DOCK3: variants seen among roughly 807,000 people sequenced by gnomAD.
DOCK3 encodes the protein dedicator of cytokinesis protein 3.
In DOCK3, 60 loss-of-function variants were observed where a neutral mutation model predicts 265.6. That is an observed-to-expected ratio of 0.23 (90% confidence interval 0.18 to 0.28). The LOEUF is 0.28. Ranked by LOEUF, DOCK3 falls within the 10% of genes least tolerant of loss-of-function variation. The pLI, the probability that DOCK3 is intolerant of heterozygous loss-of-function variation, is 1.00. For missense variants in DOCK3, 1,981 were observed against 2,594.3 expected, an observed-to-expected ratio of 0.76 and a Z score of 5.14; for synonymous variants, 881 against 938.0, an observed-to-expected ratio of 0.94 and a Z score of 1.11.
At chr3:51,177,522 TA>T (rs1348796327) in intron 12 of DOCK3, among the ~76,000 whole-genome samples, 3 of 152,164 alleles carry the variant, frequency 2.0e-5, no homozygotes, top group Non-Finnish European at 2.9e-5. Flanking sequence ...CTCATAGAAA[TA>T]AATGCAGGAT....
chr3:50,967,081 A>G (rs1386487822), intron 5 of DOCK3, among the ~76,000 whole-genome samples: 1 of 152,144 alleles, frequency 6.6e-6, no homozygotes, highest in African/African-American at 2.4e-5. Context: ...AATATATAAT[A>G]TATTGTTAAC....
At chr3:51,129,498 T>G (rs1244189384) in intron 9 of DOCK3, among the ~76,000 whole-genome samples, 1 of 152,196 alleles carries the variant, frequency 6.6e-6, no homozygotes, top group East Asian at 1.9e-4. Context: ...TGCTCAAGCC[T>G]GATCATGTAT....
rs2082023089 is a variant in DOCK3, at chr3:51,075,356, A to G, written c.465A>G (p.Glu155=). ...TGAGTGTGGTCTTTCTCTTTACTAG[A>G]CATTTGGGCCTGGACCTGGTGCCTC... The part of the protein sequence containing the change: ...HITVRLDWGN[E]HLGLDLVPRK... The change falls in exon 7 of 53, where the codon GAA becomes GAG. Residue 155 remains glutamate (E), a splice_region_variant and synonymous_variant. Coordinates refer to ENST00000266037, the MANE Select transcript of DOCK3 (RefSeq NM_004947.5). The G allele has an allele frequency of 2.5e-6, 4 of 1,608,804 alleles. No individual in the cohort carries two copies. The highest frequency in any genetic ancestry group is 4.5e-5 in the East Asian group (2 of 44,850).
At chr3:51,331,996 C>G (rs2084551081) in intron 33 of DOCK3, among the ~76,000 whole-genome samples, 1 of 152,184 alleles carries the variant, frequency 6.6e-6, no homozygotes, top group African/African-American at 2.4e-5. Flanking sequence ...CTTACCTTCT[C>G]TAACAACAGG....
intron 9 of DOCK3, among the ~76,000 whole-genome samples, chr3:51,140,887 TG>T (rs1388025615): frequency 1.3e-5 from 2 of 152,230 alleles, no homozygotes; most frequent in African/African-American, 4.8e-5. Context: ...ATTTGCCATT[TG>T]TGTATTTTCT....
intron 2 of DOCK3, among the ~76,000 whole-genome samples, chr3:50,805,712 T>C (rs931726507): frequency 6.6e-6 from 1 of 151,986 alleles, no homozygotes; most frequent in South Asian, 2.1e-4. Flanking sequence ...CTGATCTGGA[T>C]TTTGCCCACC....
chr3:50,774,687 G>A (rs2041484487), intron 1 of DOCK3, among the ~76,000 whole-genome samples: 1 of 151,602 alleles, frequency 6.6e-6, no homozygotes, highest in Admixed American at 6.6e-5. Flanking sequence ...ACCTTTAATT[G>A]CCTTATTTGC....
chr3:51,291,707 T>G (rs1379734747), intron 27 of DOCK3, among the ~76,000 whole-genome samples: 1 of 152,168 alleles, frequency 6.6e-6, no homozygotes, highest in Non-Finnish European at 1.5e-5. Context: ...CAAACTTTTC[T>G]TAAAAATTGA....
At chr3:51,235,715 T>TG (rs1325526089) in intron 19 of DOCK3, among the ~76,000 whole-genome samples, 1 of 152,234 alleles carries the variant, frequency 6.6e-6, no homozygotes, top group Non-Finnish European at 1.5e-5. Context: ...CATCAATATT[T>TG]ATTATTCTCT....
chr3:51,075,585 C>A, intron 7 of DOCK3, 145 bp downstream of exon 7: 1 of 633,902 alleles, frequency 1.6e-6, no homozygotes, highest in Non-Finnish European at 2.7e-6. Flanking sequence ...CTGGCCATAT[C>A]TGTCACACTA....
At chr3:50,827,784 G>A (rs2044855769) in intron 2 of DOCK3, among the ~76,000 whole-genome samples, 1 of 151,954 alleles carries the variant, frequency 6.6e-6, no homozygotes, top group African/African-American at 2.4e-5. Flanking sequence ...TATCATCTTG[G>A]TCCTTGTTTT....
chr3:50,823,172 T>TTTA lies in DOCK3; in HGVS notation c.122-18501_122-18500insATT, dbSNP rs1430922713. The stretch of plus-strand genomic sequence containing the variant: ...ATTTTATTTATTTATTTATTTATTT[T>TTTA]TTTTTATTGATCATTCTTGGGTGTT... On this transcript the variant is annotated intron_variant, in intron 2 of 52. Transcript: ENST00000266037. 1.3e-3 allele frequency among the ~76,000 whole-genome samples: 193 copies of TTTA among 148,518 alleles called. 1 individual carries two copies. The highest frequency in any genetic ancestry group is 3.0e-3 in the South Asian group (14 of 4,694).
At chr3:51,354,791 T>C (rs2086251134) in intron 40 of DOCK3, 91 bp from the exon 41 acceptor site, 13 of 1,534,494 alleles carry the variant, frequency 8.5e-6, no homozygotes, top group Non-Finnish European at 1.1e-5. Context: ...TCCTAAGATA[T>C]GTTTGTGCTA....
In DOCK3 at chr3:51,070,883, C is replaced by T. The variant is rs150959881; in HGVS notation, c.465-4473C>T. On this transcript the variant is annotated intron_variant, in intron 6 of 52. Transcript: ENST00000266037. ...TGTAATGCGAGAGATCTAGGTTGTG[C>T]ACTCCTTATGAGAATCTAATGCGTG... 1.5e-3 allele frequency among the ~76,000 whole-genome samples: 235 copies of T among 152,136 alleles called. 2 individuals are homozygous for T. Among genetic ancestry groups the T allele is most frequent in the African/African-American group, 5.4e-3 (222 of 41,488 alleles).
intron 3 of DOCK3, among the ~76,000 whole-genome samples, chr3:50,868,560 G>T (rs1182932929): frequency 6.6e-6 from 1 of 151,986 alleles, no homozygotes; most frequent in Non-Finnish European, 1.5e-5. Flanking sequence ...ATTTTGTAGA[G>T]TCAGAGTTTC....
Position 51,263,750 on chromosome 3 carries a change from A to G in DOCK3, c.2355+3424A>G, listed in dbSNP as rs527309933. ...TATTTACCAAGCAAATGGAAAACCA[A>G]AAAAAGCATGGGTTGCAATCCTAGT... On this transcript the variant is annotated intron_variant, in intron 23 of 52. Transcript: ENST00000266037. 3.3e-5 allele frequency among the ~76,000 whole-genome samples: 5 copies of G among 152,338 alleles called. No individual in the cohort carries two copies. The East Asian group carries it at 9.6e-4, about 29-fold the overall frequency.
chr3:51,302,037 T>C (rs1410028261), intron 27 of DOCK3, among the ~76,000 whole-genome samples: 1 of 152,152 alleles, frequency 6.6e-6, no homozygotes, highest in East Asian at 1.9e-4. Context: ...AGTGTTAAAG[T>C]CTCCCACTAT....
intron 5 of DOCK3, among the ~76,000 whole-genome samples, chr3:51,029,973 C>CG (rs1350340894): frequency 2.9e-5 from 4 of 135,668 alleles, no homozygotes; most frequent in Non-Finnish European, 6.4e-5. Flanking sequence ...GACACGGGGT[C>CG]GGGGGGTGGG....
intron 4 of DOCK3, among the ~76,000 whole-genome samples, chr3:50,914,571 G>T (rs1338190062): frequency 6.6e-6 from 1 of 152,102 alleles, no homozygotes; most frequent in East Asian, 1.9e-4. Flanking sequence ...TACGATTTCA[G>T]TTCTTTTAAG....
Sources: allele counts gnomAD v4.1 joint callset (sites outside exome capture counted in the v4.1 genomes callset), GRCh38; gene constraint gnomAD v4.1.1; transcripts MANE v1.5; gene names NCBI Gene and HGNC (gene_info 2026-07-23, HGNC 2026-07-21).